The following DENND1A variants were observed in gnomAD, a reference collection of about 807,000 sequenced individuals.
The protein encoded by DENND1A is DENN domain containing 1A, also known as DENN domain-containing protein 1A.
In DENND1A, 51 loss-of-function variants were observed where a neutral mutation model predicts 113.7. That is an observed-to-expected ratio of 0.45 (90% CI 0.36 to 0.57). DENND1A has a LOEUF of 0.57. DENND1A is among the 20% of genes least tolerant of loss of function. DENND1A has a pLI of 0.00. For missense variants in DENND1A, 1,258 were observed against 1,395.9 expected (o/e 0.90, Z 1.57); for synonymous variants, 565 against 570.8 (o/e 0.99, Z 0.14).
intron 12 of DENND1A, among the ~76,000 whole-genome samples, chr9:123,576,507 CT>C (rs1393926344): frequency 4.0e-5 from 6 of 151,344 alleles, no homozygotes; most frequent in South Asian, 2.1e-4. Context: ...CTAGTTTTGC[CT>C]TTTTTTTTGA....
intron 2 of DENND1A, among the ~76,000 whole-genome samples, chr9:123,827,784 A>G (rs1409589486): frequency 6.6e-6 from 1 of 152,188 alleles, no homozygotes; most frequent in Non-Finnish European, 1.5e-5. Flanking sequence ...GAAATAGATG[A>G]ATCCTCAGAG....
intron 3 of DENND1A, among the ~76,000 whole-genome samples, chr9:123,787,836 T>C (rs1832418740): frequency 1.3e-5 from 2 of 152,170 alleles, no homozygotes; most frequent in South Asian, 4.1e-4. Flanking sequence ...TTATAGAGCT[T>C]GTACAAGAAA....
chr9:123,903,913 G>C (rs1852234598), intron 1 of DENND1A, among the ~76,000 whole-genome samples: 1 of 152,136 alleles, frequency 6.6e-6, no homozygotes, highest in Non-Finnish European at 1.5e-5. Context: ...TCCACCTCTG[G>C]GGGAAGGGCA....
intron 13 of DENND1A, among the ~76,000 whole-genome samples, chr9:123,486,421 A>C (rs2050870387): frequency 6.6e-6 from 1 of 152,080 alleles, no homozygotes; most frequent in South Asian, 2.1e-4. Flanking sequence ...CGCCAGCCCC[A>C]GAGCTGCTAG....
intron 9 of DENND1A, among the ~76,000 whole-genome samples, chr9:123,637,813 T>C (rs1475528): frequency 0.35 from 53,711 of 151,818 alleles, 9,844 homozygotes; most frequent in African/African-American, 0.42. Flanking sequence ...CAGGGGGTAA[T>C]GGCAACAATC....
At chr9:123,462,932 A>G (rs2048645865) in intron 13 of DENND1A, among the ~76,000 whole-genome samples, 1 of 152,204 alleles carries the variant, frequency 6.6e-6, no homozygotes, top group South Asian at 2.1e-4. Context: ...CCACAGGCCC[A>G]AGGTGAGGTG....
intron 19 of DENND1A, among the ~76,000 whole-genome samples, chr9:123,423,053 T>C (rs1344802736): frequency 3.3e-5 from 5 of 152,204 alleles, no homozygotes; most frequent in Non-Finnish European, 1.5e-5. Flanking sequence ...AATCCAGCAT[T>C]GTGCCATTAC....
chr9:123,464,344 T>A (rs1348236116), intron 13 of DENND1A, among the ~76,000 whole-genome samples: 1 of 152,224 alleles, frequency 6.6e-6, no homozygotes, highest in African/African-American at 2.4e-5. Context: ...CAAGGGTTCA[T>A]CTGTGGAGGA....
At chr9:123,466,606 T>C (rs899756022) in intron 13 of DENND1A, among the ~76,000 whole-genome samples, 2 of 152,212 alleles carry the variant, frequency 1.3e-5, no homozygotes, top group African/African-American at 4.8e-5. Context: ...CTATTTCACT[T>C]CTTGCTATCT....
At chr9:123,439,844 C>G (rs2046796258) in intron 19 of DENND1A, 1 of 152,096 alleles carries the variant, frequency 6.6e-6, no homozygotes, top group Non-Finnish European at 1.5e-5. Flanking sequence ...TTTTCTAATG[C>G]TCAGGTAGTT....
chr9:123,520,220 G>A (rs568256894), intron 13 of DENND1A, among the ~76,000 whole-genome samples: 1 of 151,310 alleles, frequency 6.6e-6, no homozygotes, highest in South Asian at 2.1e-4. Context: ...ATTTTCAGAG[G>A]CTGAGGTGGG....
At chr9:123,815,097 G>A (rs951652119) in intron 2 of DENND1A, among the ~76,000 whole-genome samples, 44 of 152,102 alleles carry the variant, frequency 2.9e-4, no homozygotes, top group African/African-American at 9.7e-4. Context: ...GTGGTTAGGC[G>A]GGAAATTAAA....
At chr9:123,445,396 T>G (rs1236771032) in intron 18 of DENND1A, among the ~76,000 whole-genome samples, 2 of 152,188 alleles carry the variant, frequency 1.3e-5, no homozygotes, top group African/African-American at 4.8e-5. Context: ...GGTGGAAGGT[T>G]TGAAAGGTCT....
intron 8 of DENND1A, among the ~76,000 whole-genome samples, chr9:123,655,081 G>A (rs556715824): frequency 2.0e-5 from 3 of 152,244 alleles, no homozygotes; most frequent in South Asian, 2.1e-4. Context: ...CCTCTGCCTC[G>A]AATGCCCCAC....
chr9:123,876,110 T>G (rs1368939330), intron 2 of DENND1A, among the ~76,000 whole-genome samples: 1 of 152,172 alleles, frequency 6.6e-6, no homozygotes, highest in Non-Finnish European at 1.5e-5. Context: ...TTGAGATACT[T>G]TTACCAAAAA....
chr9:123,631,618 A>G (rs1383965754), intron 9 of DENND1A, among the ~76,000 whole-genome samples: 1 of 152,218 alleles, frequency 6.6e-6, no homozygotes, highest in Non-Finnish European at 1.5e-5. Context: ...TTAACTCTTC[A>G]GTCCATCTGG....
At chr9:123,874,972 A>G (rs1847230198) in intron 2 of DENND1A, among the ~76,000 whole-genome samples, 1 of 152,220 alleles carries the variant, frequency 6.6e-6, no homozygotes, top group African/African-American at 2.4e-5. Flanking sequence ...AGTAGCCAAA[A>G]ACTGCGAACA....
chr9:123,769,226 T>G (rs1461410457), intron 4 of DENND1A, among the ~76,000 whole-genome samples: 1 of 152,164 alleles, frequency 6.6e-6, no homozygotes, highest in Non-Finnish European at 1.5e-5. Flanking sequence ...AGCAAGAGAT[T>G]AAATACCAAC....
intron 2 of DENND1A, among the ~76,000 whole-genome samples, chr9:123,793,467 T>G (rs959277729): frequency 6.6e-6 from 1 of 152,186 alleles, no homozygotes; most frequent in African/African-American, 2.4e-5. Flanking sequence ...AGGAAAAGAT[T>G]TGATTCCTTT....
Sources: gnomAD v4.1 joint callset for allele counts (sites outside exome capture counted in the v4.1 genomes callset) on GRCh38, gnomAD v4.1.1 for gene constraint, MANE v1.5 for transcripts, NCBI Gene and HGNC (gene_info 2026-07-23, HGNC 2026-07-21) for gene names.